Variants in DLEC1 observed in about 807,000 individuals in gnomAD.
DLEC1 encodes deleted in lung and esophageal cancer protein 1.
A neutral mutation model predicts 198.1 loss-of-function variants in DLEC1; 146 were observed. That is an observed-to-expected ratio of 0.74 (90% confidence interval 0.64 to 0.85). The LOEUF (loss-of-function observed/expected upper bound fraction) is 0.85. DLEC1 is among the 40% of genes least tolerant of loss of function. The pLI is 0.00. For synonymous variants in DLEC1, 897 were observed against 866.8 expected, an observed-to-expected ratio of 1.03 and a Z score of -0.61; for missense variants, 2,233 against 2,220.0, an observed-to-expected ratio of 1.01 and a Z score of -0.12.
intron 20 of DLEC1, 75 bp downstream of exon 20, chr3:38,107,812 C>A: frequency 3.3e-6 from 5 of 1,508,466 alleles, no homozygotes; most frequent in East Asian, 2.3e-5. Context: ...GGGGCATTGT[C>A]CCCCAAATAT....
At position 38,045,637 on chromosome 3, in the gene DLEC1, G is replaced by T; in HGVS notation, c.506G>T (p.Arg169Leu). The change falls in exon 2 of 37, where the codon CGG becomes CTG. Residue 169 changes from arginine to leucine, a missense_variant. Arg to Leu is a moderately radical substitution (Grantham distance 102). Coordinates refer to ENST00000308059, the MANE Select transcript of DLEC1 (RefSeq NM_007335.4). ...AQARAIAENE[R>L]VMSQAGVQDL... Reference sequence around the variant, plus strand: ...GCACGGGCTATTGCGGAAAATGAGCGGGTCATGAGCCAGGCTGGAGTACAG... The same window carrying T: ...GCACGGGCTATTGCGGAAAATGAGCTGGTCATGAGCCAGGCTGGAGTACAG... 1 of 1,614,072 alleles carries T rather than the reference G, an allele frequency of 6.2e-7. No individual in the cohort carries two copies. The highest frequency in any genetic ancestry group is 8.5e-7 in the Non-Finnish European group (1 of 1,180,012).
intron 2 of DLEC1, among the ~76,000 whole-genome samples, chr3:38,054,913 A>C (rs1696275161): frequency 6.6e-6 from 1 of 152,208 alleles, no homozygotes; most frequent in Non-Finnish European, 1.5e-5. Flanking sequence ...ATCCTAAATT[A>C]AACTAAGAAT....
At position 38,101,326 on chromosome 3, in the gene DLEC1, T is replaced by G. The variant is rs1699295078; in HGVS notation, c.2864+901T>G. Among the ~76,000 whole-genome samples, 6 of 152,000 alleles carry G rather than the reference T, an allele frequency of 3.9e-5. 1 individual carries two copies. In the South Asian group the frequency reaches 1.2e-3, roughly 32 times the overall value. ...AAAAATTAGCCAGGTATGGTGGTGC[T>G]CGCCTGTAGTCCCAGCTACTTAGGA... On this transcript the variant is annotated intron_variant, in intron 19 of 36. Transcript: ENST00000308059.
chr3:38,085,704 C>A (rs955011903), intron 8 of DLEC1, among the ~76,000 whole-genome samples: 27 of 152,082 alleles, frequency 1.8e-4, no homozygotes, highest in Non-Finnish European at 2.8e-4. Flanking sequence ...TCCAGCTAAC[C>A]CCACCATAGG....
intron 9 of DLEC1, 40 bp downstream of exon 9, chr3:38,086,417 C>T: frequency 1.3e-6 from 2 of 1,572,462 alleles, no homozygotes; most frequent in Non-Finnish European, 1.7e-6. Context: ...AATTACAAGT[C>T]CATCAAAGGA....
chr3:38,106,592 C>G (rs369467506), intron 19 of DLEC1, among the ~76,000 whole-genome samples: 3 of 151,980 alleles, frequency 2.0e-5, no homozygotes, highest in African/African-American at 7.3e-5. Flanking sequence ...CTCATCTCTA[C>G]TAAAAATACA....
chr3:38,083,204 CA>C (rs1189594544), intron 6 of DLEC1, among the ~76,000 whole-genome samples: 1 of 151,536 alleles, frequency 6.6e-6, no homozygotes, highest in Non-Finnish European at 1.5e-5. Context: ...AAGAGACCAC[CA>C]AACAGGCTTT....
At position 38,122,871 on chromosome 3, in the gene DLEC1, T is replaced by C; in HGVS notation, c.*459T>C. On this transcript the variant is annotated 3_prime_UTR_variant, in exon 37 of 37. Transcript: ENST00000308059. ...ATGGGTGGCTCAACACCCCACCCACTCCTATACCATGTCATCAGTGTTCAC... is the reference window on the plus strand; with the variant it reads ...ATGGGTGGCTCAACACCCCACCCACCCCTATACCATGTCATCAGTGTTCAC... 1 of 792,852 alleles carries C rather than the reference T, an allele frequency of 1.3e-6. No homozygotes were observed. Among genetic ancestry groups the C allele is most frequent in the Non-Finnish European group, 2.0e-6 (1 of 503,266 alleles). 49.1% of individuals were successfully genotyped at this position (792,852 alleles called of 1,614,324 possible).
intron 10 of DLEC1, among the ~76,000 whole-genome samples, chr3:38,092,011 A>C (rs770863656): frequency 2.6e-5 from 4 of 152,266 alleles, no homozygotes; most frequent in Non-Finnish European, 4.4e-5. Context: ...GTATATATAC[A>C]AATGAAATCT....
At chr3:38,042,981 T>A (rs960790522) in intron 1 of DLEC1, among the ~76,000 whole-genome samples, 9 of 152,304 alleles carry the variant, frequency 5.9e-5, no homozygotes, top group African/African-American at 1.9e-4. Context: ...AGATTCATTC[T>A]CCCTGGGAGG....
chr3:38,112,425 C>A lies in DLEC1; in HGVS notation c.3666+64C>A. The A allele has an allele frequency of 6.3e-7, 1 of 1,590,020 alleles. No homozygotes were observed. Among genetic ancestry groups the A allele is most frequent in the Non-Finnish European group, 8.6e-7 (1 of 1,162,880 alleles). The stretch of plus-strand genomic sequence containing the variant: ...GAGTCTGCCCAGCCCTCGCCTTCAG[C>A]CTCTCTCCCCTCCAACACCTGGCCC... On this transcript the variant is annotated intron_variant, in intron 25 of 36. Coordinates refer to ENST00000308059, the MANE Select transcript of DLEC1 (RefSeq NM_007335.4). The surrounding 1 kb of genome is among the most constrained non-coding windows in gnomAD (Gnocchi z 4.8).
chr3:38,078,754 T>C (rs1328641581), intron 6 of DLEC1, among the ~76,000 whole-genome samples: 1 of 152,132 alleles, frequency 6.6e-6, no homozygotes, highest in Non-Finnish European at 1.5e-5. Flanking sequence ...AAAGAAAGCA[T>C]GTTTGAGATC....
intron 12 of DLEC1, among the ~76,000 whole-genome samples, chr3:38,094,259 A>G (rs530867087): frequency 2.5e-4 from 38 of 152,218 alleles, no homozygotes; most frequent in African/African-American, 8.9e-4. Context: ...GAGCACTACC[A>G]TGAAACCAGG....
At chr3:38,051,252 A>G (rs904245907) in intron 2 of DLEC1, among the ~76,000 whole-genome samples, 9 of 152,218 alleles carry the variant, frequency 5.9e-5, no homozygotes, top group Non-Finnish European at 1.3e-4. Flanking sequence ...ACAAAGTTTG[A>G]AAACTTCCAA....
Position 38,112,884 on chromosome 3 carries a change from T to G in DLEC1, c.3666+523T>G, listed in dbSNP as rs944922988. Reference sequence around the variant, plus strand: ...AAGGTAACCAGCAAGGCACCCCTAGTTTAGTCTGGAGGGATGAAACCTGCA... The same window carrying G: ...AAGGTAACCAGCAAGGCACCCCTAGGTTAGTCTGGAGGGATGAAACCTGCA... On this transcript the variant is annotated intron_variant, in intron 25 of 36. Transcript: ENST00000308059. This position sits in a 1 kb window ranked among gnomAD's most constrained non-coding sequence, Gnocchi z 4.8. Among the ~76,000 whole-genome samples the G allele has an allele frequency of 6.6e-6, 1 of 152,146 alleles. No homozygotes were observed. Among genetic ancestry groups the G allele is most frequent in the African/African-American group, 2.4e-5 (1 of 41,416 alleles).
At chr3:38,060,989 C>G (rs1170295958) in intron 3 of DLEC1, among the ~76,000 whole-genome samples, 4 of 151,932 alleles carry the variant, frequency 2.6e-5, no homozygotes, top group Non-Finnish European at 5.9e-5. Context: ...CCGGCCACCA[C>G]TTAGTATTTT....
chr3:38,116,784 C>T lies in DLEC1; in HGVS notation c.4074C>T (p.Ser1358=), dbSNP rs749564518. 2 of 1,612,510 alleles carry T rather than the reference C, an allele frequency of 1.2e-6. No homozygotes were observed. Among genetic ancestry groups the T allele is most frequent in the Admixed American group, 1.7e-5 (1 of 59,896 alleles). ...SHETDSSVEG[S]SSASNRVAQK... ...TTCCTTGGTGACAGGTTGAGGGCAG[C>T]TCCAGTGCCAGCAATAGGGTGGCAC... is the stretch of plus-strand genomic sequence containing the variant. Residue 1358 remains serine (S), a synonymous_variant, in exon 29 of 37, where the codon AGC becomes AGT. Transcript: ENST00000308059.
chr3:38,058,944 G>A (rs1046560599), intron 2 of DLEC1, among the ~76,000 whole-genome samples: 5 of 152,148 alleles, frequency 3.3e-5, no homozygotes, highest in Admixed American at 1.3e-4. Flanking sequence ...CAGTCCACTT[G>A]CCAAAGGTAG....
chr3:38,115,190 A>G (rs948985317), intron 27 of DLEC1, 137 bp downstream of exon 27: 3 of 861,438 alleles, frequency 3.5e-6, no homozygotes, highest in South Asian at 3.3e-5. Context: ...GTGGTTACGG[A>G]AGTGTGGATG....
Sources: gnomAD v4.1 joint callset for allele counts (sites outside exome capture counted in the v4.1 genomes callset) on GRCh38, gnomAD v4.1.1 for gene constraint, Gnocchi (gnomAD v3.1) non-coding constraint, MANE v1.5 for transcripts, NCBI Gene and HGNC (gene_info 2026-07-23, HGNC 2026-07-21) for gene names.